Variants in RASA1 observed in about 807,000 individuals in gnomAD.
The protein encoded by RASA1 is RAS p21 protein activator 1, also known as ras GTPase-activating protein 1.
RASA1 carries 25 observed loss-of-function variants against 132.2 expected under a neutral mutation model. The observed-to-expected ratio is 0.19, with a 90% CI of 0.14 to 0.26. The LOEUF (loss-of-function observed/expected upper bound fraction) is 0.26, where lower values mean the gene tolerates loss of function less well. Among genes scored for constraint, RASA1 ranks in the 10% least tolerant of loss-of-function variants. The pLI is 1.00. For synonymous variants in RASA1, 477 were observed against 449.9 expected (o/e 1.06, Z -0.76); for missense variants, 964 against 1,299.2 (o/e 0.74, Z 3.97).
At chr5:87,270,376 C>T (rs1440336035) in intron 1 of RASA1, among the ~76,000 whole-genome samples, 4 of 148,240 alleles carry the variant, frequency 2.7e-5, no homozygotes, top group African/African-American at 7.5e-5. Flanking sequence ...GAGATGGAGT[C>T]TCGCCTTGTT....
At chr5:87,358,207 G>A (rs1299326092) in intron 9 of RASA1, among the ~76,000 whole-genome samples, 1 of 152,132 alleles carries the variant, frequency 6.6e-6, no homozygotes, top group Non-Finnish European at 1.5e-5. Flanking sequence ...CTTACTTCCT[G>A]GAACTGTTAA....
In RASA1 at chr5:87,374,860, A is replaced by G. The variant is rs775854094; in HGVS notation, c.1955A>G (p.Asn652Ser). ...TTTAGTGATCTTCCTCCTGACATCA[A>G]TAGATTTGAAATAACTCTTAGTAAT... ...FVFDDLPPDI[N>S]RFEITLSNKT... The change falls in exon 15 of 25, where the codon AAT (asparagine) becomes AGT (serine). Residue 652 changes from asparagine to serine, a missense_variant. By Grantham distance (46) the Asn-to-Ser change is conservative. Coordinates refer to ENST00000274376, the MANE Select transcript of RASA1 (RefSeq NM_002890.3). 6 of 1,609,846 alleles carry G rather than the reference A, an allele frequency of 3.7e-6. No individual in the cohort carries two copies. The highest frequency in any genetic ancestry group is 1.7e-4 in the Middle Eastern group (1 of 6,030).
At chr5:87,385,428 T>C (rs1293072117) in intron 22 of RASA1, 39 bp downstream of exon 22, 3 of 1,448,662 alleles carry the variant, frequency 2.1e-6, no homozygotes, top group Non-Finnish European at 9.7e-7. Context: ...AATTTATGAA[T>C]GCAAGTTTGA....
At chr5:87,304,939 C>CTTTTT (rs756572506) in intron 1 of RASA1, among the ~76,000 whole-genome samples, 2 of 64,406 alleles carry the variant, frequency 3.1e-5, no homozygotes, top group East Asian at 3.9e-4. Context: ...TCTTTTAGTC[C>CTTTTT]TTTTTTTTTT....
Position 87,349,198 on chromosome 5 carries a change from A to T in RASA1, c.1103-16A>T. ...ATTTGATAATTAGGGAAAAACTAAC[A>T]GCTTAATTCTTACAGTTGGTCAAGT... On this transcript the variant is annotated splice_polypyrimidine_tract_variant and intron_variant, in intron 7 of 24. Transcript: ENST00000274376. 1 of 1,610,608 alleles carries T rather than the reference A, an allele frequency of 6.2e-7. No homozygotes were observed. The highest frequency in any genetic ancestry group is 1.3e-5 in the African/African-American group (1 of 74,882).
At chr5:87,276,237 C>T (rs1754056959) in intron 1 of RASA1, among the ~76,000 whole-genome samples, 1 of 152,120 alleles carries the variant, frequency 6.6e-6, no homozygotes, top group South Asian at 2.1e-4. Flanking sequence ...TCAAATTTCT[C>T]CACAATAGAT....
Position 87,389,737 on chromosome 5 carries a change from CTT to C in RASA1, c.3060+211_3060+212del, listed in dbSNP as rs531072686. Among the ~76,000 whole-genome samples, 31 of 152,310 alleles carry C rather than the reference CTT, an allele frequency of 2.0e-4. No homozygotes were observed. In the South Asian group the frequency reaches 4.8e-3, roughly 23 times the overall value. On this transcript the variant is annotated intron_variant, in intron 24 of 24. Coordinates refer to ENST00000274376, the MANE Select transcript of RASA1 (RefSeq NM_002890.3). Reference sequence around the variant, plus strand: ...ATACTGAAAAACATCAGGTTTTGCTCTTGAGTCTGAATGTTAATTCTACTGGA... The same window carrying C: ...ATACTGAAAAACATCAGGTTTTGCTCGAGTCTGAATGTTAATTCTACTGGA...
chr5:87,361,568 T>C (rs1176677778), intron 9 of RASA1, among the ~76,000 whole-genome samples: 6 of 152,170 alleles, frequency 3.9e-5, no homozygotes, highest in East Asian at 3.8e-4. Context: ...CTGAGTCCAA[T>C]TGACCTTAAT....
chr5:87,271,977 A>G (rs1753861911), intron 1 of RASA1, among the ~76,000 whole-genome samples: 1 of 147,138 alleles, frequency 6.8e-6, no homozygotes, highest in South Asian at 2.2e-4. Context: ...ACACGGTGAA[A>G]CCCCGTCTCT....
chr5:87,300,415 A>G (rs1397927934), intron 1 of RASA1, among the ~76,000 whole-genome samples: 1 of 152,048 alleles, frequency 6.6e-6, no homozygotes, highest in African/African-American at 2.4e-5. Flanking sequence ...GTGTAATCCT[A>G]GCTACTTGGG....
chr5:87,355,183 A>C (rs1158203566), intron 9 of RASA1, among the ~76,000 whole-genome samples: 1 of 152,222 alleles, frequency 6.6e-6, no homozygotes, highest in Non-Finnish European at 1.5e-5. Context: ...ACAGATTTTC[A>C]GTGTAAAGAA....
At chr5:87,389,272 A>T in intron 23 of RASA1, 121 bp from the exon 24 acceptor site, 1 of 1,289,778 alleles carries the variant, frequency 7.8e-7, no homozygotes, top group South Asian at 1.2e-5. Flanking sequence ...CGGAGGTTGC[A>T]GTGAGCCGAG....
chr5:87,377,135 A>C, intron 17 of RASA1, 95 bp downstream of exon 17: 1 of 1,441,336 alleles, frequency 6.9e-7, no homozygotes, highest in South Asian at 1.2e-5. Context: ...CTAAATTGTT[A>C]AATTATATTG....
chr5:87,339,042 C>T (rs918299881), intron 5 of RASA1, among the ~76,000 whole-genome samples: 4 of 152,056 alleles, frequency 2.6e-5, no homozygotes, highest in African/African-American at 9.7e-5. Flanking sequence ...CCTTTCCTTT[C>T]GGATTTTTCT....
intron 1 of RASA1, among the ~76,000 whole-genome samples, chr5:87,322,813 A>C (rs1316925512): frequency 2.0e-5 from 3 of 152,268 alleles, no homozygotes; most frequent in African/African-American, 7.2e-5. Flanking sequence ...ACAACCACAT[A>C]CATAAATAAA....
At chr5:87,331,036 T>G in intron 1 of RASA1, 3 of 1,305,594 alleles carry the variant, frequency 2.3e-6, no homozygotes, top group Non-Finnish European at 3.0e-6. Context: ...TAAGTAAAGA[T>G]CTGGTTGCAG....
At chr5:87,351,351 T>C (rs1350967778) in intron 8 of RASA1, among the ~76,000 whole-genome samples, 1 of 151,760 alleles carries the variant, frequency 6.6e-6, no homozygotes, top group Admixed American at 6.6e-5. Context: ...AAGTATGGTA[T>C]GCAGAATGTG....
At chr5:87,271,584 G>C (rs910444214) in intron 1 of RASA1, among the ~76,000 whole-genome samples, 1 of 145,680 alleles carries the variant, frequency 6.9e-6, no homozygotes, top group Non-Finnish European at 1.5e-5. Context: ...TCAGGTTCAA[G>C]CGATTCTCCT....
chr5:87,288,984 A>G (rs1754798350), intron 1 of RASA1, among the ~76,000 whole-genome samples: 1 of 152,192 alleles, frequency 6.6e-6, no homozygotes, highest in Admixed American at 6.6e-5. Flanking sequence ...ATTTAACATT[A>G]ATGTATTATT....
Sources: allele counts gnomAD v4.1 joint callset (sites outside exome capture counted in the v4.1 genomes callset), GRCh38; gene constraint gnomAD v4.1.1; transcripts MANE v1.5; gene names NCBI Gene and HGNC (gene_info 2026-07-23, HGNC 2026-07-21).